Variants in PSME3IP1 observed in about 807,000 individuals in gnomAD.
PSME3IP1 encodes the protein PSME3-interacting protein.
PSME3IP1 carries 13 observed loss-of-function variants against 34.1 expected under a neutral mutation model. The observed-to-expected ratio is 0.38, with a 90% CI of 0.25 to 0.61. The LOEUF is 0.61. Among genes scored for constraint, PSME3IP1 ranks in the 20% least tolerant of loss-of-function variants. The probability of loss-of-function intolerance (pLI) is 0.60; values close to 1 mark genes in which losing one functional copy is unlikely to be tolerated. For synonymous variants in PSME3IP1, 93 were observed against 114.3 expected (o/e 0.81, Z 1.19); for missense variants, 237 against 301.4 (o/e 0.79, Z 1.58).
At chr16:57,164,526 AGAAG>A (rs1404206450) in intron 5 of PSME3IP1, among the ~76,000 whole-genome samples, 4 of 152,248 alleles carry the variant, frequency 2.6e-5, no homozygotes, top group Non-Finnish European at 5.9e-5. Context: ...AAATGATCCC[AGAAG>A]GAAGGGACCC....
chr16:57,169,279 G>A (rs1239804994), intron 4 of PSME3IP1, among the ~76,000 whole-genome samples: 3 of 152,150 alleles, frequency 2.0e-5, no homozygotes, highest in Non-Finnish European at 4.4e-5. Flanking sequence ...AACCTGAGAC[G>A]AAACAAGAGT....
intron 6 of PSME3IP1, among the ~76,000 whole-genome samples, chr16:57,155,446 G>A (rs2145374577): frequency 6.6e-6 from 1 of 152,154 alleles, no homozygotes; most frequent in African/African-American, 2.4e-5. Context: ...AACATAGTGA[G>A]GCCCTATCTC....
At chr16:57,158,150 G>T (rs897109753) in intron 6 of PSME3IP1, among the ~76,000 whole-genome samples, 27 of 152,154 alleles carry the variant, frequency 1.8e-4, no homozygotes, top group African/African-American at 5.6e-4. Context: ...TGGGGGGAAG[G>T]GGTATAAAAA....
rs1298430151 is a variant in PSME3IP1, at chr16:57,172,320, A to ACCT, written c.278_279insAGG (p.Val93_Ser94insGly). 6.2e-7 allele frequency: 1 copy of ACCT among 1,614,062 alleles called. No individual in the cohort carries two copies. The highest frequency in any genetic ancestry group is 8.5e-7 in the Non-Finnish European group (1 of 1,179,986). On this transcript the variant is annotated inframe_insertion, in exon 4 of 7. Transcript: ENST00000309137. ...TTTCTATTAGTTCCTGCTGTCGAGA[A>ACCT]ACCTCATCAAGGAAGTTGGTCTCAT...
intron 4 of PSME3IP1, among the ~76,000 whole-genome samples, chr16:57,170,657 C>T (rs1237662739): frequency 6.6e-6 from 1 of 152,168 alleles, no homozygotes; most frequent in Non-Finnish European, 1.5e-5. Context: ...TCAGAAGTGA[C>T]CAAGTCAGAT....
At chr16:57,178,591 T>C (rs2073412280) in intron 1 of PSME3IP1, 5 of 985,248 alleles carry the variant, frequency 5.1e-6, no homozygotes, top group Admixed American at 6.1e-5. Context: ...ATGTAAGTTA[T>C]AGAGATTGGT....
chr16:57,158,038 C>T (rs1344214832), intron 6 of PSME3IP1, among the ~76,000 whole-genome samples: 1 of 152,174 alleles, frequency 6.6e-6, no homozygotes. Context: ...GGACATATAG[C>T]ACAGGGCCTG....
intron 6 of PSME3IP1, among the ~76,000 whole-genome samples, chr16:57,157,682 G>A (rs1244443438): frequency 6.6e-6 from 1 of 151,424 alleles, no homozygotes; most frequent in Non-Finnish European, 1.5e-5. Context: ...CTGGGCTCAA[G>A]TGATGTTCCC....
chr16:57,161,098 A>G (rs1206161967), intron 6 of PSME3IP1, among the ~76,000 whole-genome samples: 1 of 152,266 alleles, frequency 6.6e-6, no homozygotes, highest in Non-Finnish European at 1.5e-5. Context: ...AAATTAATCT[A>G]CAGATTCCAA....
intron 6 of PSME3IP1, among the ~76,000 whole-genome samples, chr16:57,163,394 G>A (rs1407287097): frequency 6.6e-5 from 10 of 152,104 alleles, no homozygotes; most frequent in African/African-American, 1.9e-4. Context: ...CCTGTTGATC[G>A]ATGGAATTTA....
At chr16:57,164,174 G>A (rs2071587132) in intron 5 of PSME3IP1, 109 bp from the exon 6 acceptor site, 1 of 837,958 alleles carries the variant, frequency 1.2e-6, no homozygotes. Context: ...AGTCTCAAGA[G>A]GCTGGGATGA....
At chr16:57,179,336 C>T (rs146646218) in intron 1 of PSME3IP1, among the ~76,000 whole-genome samples, 1 of 152,286 alleles carries the variant, frequency 6.6e-6, no homozygotes, top group East Asian at 1.9e-4. Flanking sequence ...AAATAAAGAA[C>T]GTGGTTTTCA....
At chr16:57,171,088 A>G (rs1398397405) in intron 4 of PSME3IP1, among the ~76,000 whole-genome samples, 1 of 151,684 alleles carries the variant, frequency 6.6e-6, no homozygotes, top group Non-Finnish European at 1.5e-5. Context: ...AAAAAAATTG[A>G]TATTACCGAC....
intron 1 of PSME3IP1, among the ~76,000 whole-genome samples, chr16:57,178,170 C>A (rs2073367256): frequency 6.6e-6 from 1 of 152,140 alleles, no homozygotes; most frequent in Admixed American, 6.5e-5. Flanking sequence ...TTAGCATTTT[C>A]TTCTGTAGGT....
chr16:57,154,570 C>A lies in PSME3IP1; in HGVS notation c.548-63G>T. On this transcript the variant is annotated intron_variant, in intron 6 of 6. Transcript: ENST00000309137. The surrounding 1 kb of genome is among the most constrained non-coding windows in gnomAD (Gnocchi z 4.0). ...TTTTCCAAAGTTGGGGACTGACTTA[C>A]CATGTGCCAGGCACTGTACCAAGGG... The A allele has an allele frequency of 7.1e-7, 1 of 1,403,406 alleles. No homozygotes were observed. The allele number at this position is 1,403,406 out of a possible 1,614,324, so 86.9% of individuals were successfully genotyped here.
At chr16:57,167,033 A>G in intron 5 of PSME3IP1, 60 bp downstream of exon 5, 12 of 1,595,278 alleles carry the variant, frequency 7.5e-6, no homozygotes, top group South Asian at 2.2e-5. Context: ...CTTCCATTAC[A>G]AGTGGTGTTT....
chr16:57,172,417 A>G (rs1460440029), intron 3 of PSME3IP1, 45 bp from the exon 4 acceptor site: 2 of 1,585,634 alleles, frequency 1.3e-6, no homozygotes, highest in Admixed American at 3.8e-5. Flanking sequence ...GCTAAAGGGA[A>G]AAATAAGATT....
intron 6 of PSME3IP1, among the ~76,000 whole-genome samples, chr16:57,159,030 G>A (rs1284627336): frequency 3.3e-5 from 5 of 152,206 alleles, no homozygotes; most frequent in African/African-American, 1.2e-4. Flanking sequence ...ATGGCGTTAT[G>A]TGGCACATGA....
At chr16:57,175,576 A>G (rs1270871381) in intron 1 of PSME3IP1, 1 of 152,212 alleles carries the variant, frequency 6.6e-6, no homozygotes, top group African/African-American at 2.4e-5. Flanking sequence ...TATCTAATTT[A>G]CATGATCATT....
Sources: allele counts gnomAD v4.1 joint callset (sites outside exome capture counted in the v4.1 genomes callset), GRCh38; gene constraint gnomAD v4.1.1; non-coding constraint Gnocchi (gnomAD v3.1); transcripts MANE v1.5; gene names NCBI Gene and HGNC (gene_info 2026-07-23, HGNC 2026-07-21).